The following MDN1 variants were observed in gnomAD, a reference collection of about 807,000 sequenced individuals.
MDN1 encodes midasin.
MDN1 carries 266 observed loss-of-function variants against 669.2 expected under a neutral mutation model. The ratio of observed to expected loss-of-function variants is 0.40; its 90% CI spans 0.36 to 0.44. The LOEUF (loss-of-function observed/expected upper bound fraction) is 0.44, where lower values mean the gene tolerates loss of function less well. MDN1 is among the 20% of genes least tolerant of loss of function. The pLI is 1.00. For missense variants in MDN1, 5,940 were observed against 6,754.0 expected, an observed-to-expected ratio of 0.88 and a Z score of 4.22; for synonymous variants, 2,385 against 2,457.1, an observed-to-expected ratio of 0.97 and a Z score of 0.87.
At chr6:89,803,204 A>C in intron 2 of MDN1, 124 bp downstream of exon 2, 1 of 807,684 alleles carries the variant, frequency 1.2e-6, no homozygotes, top group Non-Finnish European at 2.1e-6. Context: ...ATAAAACAAT[A>C]CTATTTATCT....
At position 89,732,743 on chromosome 6, in the gene MDN1, T is replaced by A. The variant is rs111960767; in HGVS notation, c.4756A>T (p.Ile1586Phe). The A allele has an allele frequency of 6.2e-7, 1 of 1,614,024 alleles. No homozygotes were observed. Residue 1586 changes from isoleucine (I) to phenylalanine (F), a missense_variant, in exon 34 of 102, where the codon ATT becomes TTT. Physicochemically the swap from Ile to Phe is conservative, Grantham distance 21. Coordinates refer to ENST00000369393, the MANE Select transcript of MDN1 (RefSeq NM_014611.3). ...AACTCTTGGTGGGTCAGCCAGTCAA[T>A]GAAATCCAGCATCACTTCAGGTATG... ...SDIPEVMLDF[I>F]DWLTHQEFGR...
chr6:89,713,192 A>G lies in MDN1; in HGVS notation c.7174T>C (p.Trp2392Arg). The G allele has an allele frequency of 6.2e-7, 1 of 1,614,174 alleles. No individual in the cohort carries two copies. Among genetic ancestry groups the G allele is most frequent in the Non-Finnish European group, 8.5e-7 (1 of 1,180,016 alleles). The stretch of plus-strand genomic sequence containing the variant: ...TGCTGGGAACAGACATATACTTCCC[A>G]GCATGCTTCAGAAAAGGCTCTGTCT... The part of the protein sequence containing the change: ...SLDRAFSEAC[W>R]EVYVCSQHSP... Residue 2392 changes from tryptophan to arginine, a missense_variant, in exon 47 of 102, where the codon TGG (tryptophan) becomes CGG (arginine). Coordinates refer to ENST00000369393, the MANE Select transcript of MDN1 (RefSeq NM_014611.3).
intron 1 of MDN1, among the ~76,000 whole-genome samples, chr6:89,818,054 A>G (rs1423224287): frequency 6.6e-6 from 1 of 152,148 alleles, no homozygotes; most frequent in Non-Finnish European, 1.5e-5. Flanking sequence ...GCTGTGGCTC[A>G]TGCCTGTAAT....
intron 17 of MDN1, among the ~76,000 whole-genome samples, chr6:89,761,070 G>T (rs1817518853): frequency 6.6e-6 from 1 of 152,162 alleles, no homozygotes; most frequent in Non-Finnish European, 1.5e-5. Flanking sequence ...GGAGGCTGAG[G>T]CAGGAGAATG....
At chr6:89,710,833 A>G (rs1166707524) in intron 49 of MDN1, 39 bp from the exon 50 acceptor site, 2 of 1,222,392 alleles carry the variant, frequency 1.6e-6, no homozygotes, top group South Asian at 1.4e-5. Context: ...ACTCTAAAGC[A>G]GTGCTATCCA....
intron 73 of MDN1, among the ~76,000 whole-genome samples, chr6:89,682,303 C>A (rs1811664758): frequency 6.6e-6 from 1 of 152,166 alleles, no homozygotes. Context: ...CAGGTAAAAG[C>A]ACAATTATTT....
chr6:89,743,410 G>T, intron 30 of MDN1, 130 bp from the exon 31 acceptor site: 2 of 1,373,516 alleles, frequency 1.5e-6, no homozygotes, highest in East Asian at 2.3e-5. Context: ...ACAGGAGATA[G>T]AACTTGCACA....
intron 50 of MDN1, among the ~76,000 whole-genome samples, chr6:89,710,458 C>A (rs1344883764): frequency 6.7e-6 from 1 of 149,496 alleles, no homozygotes; most frequent in Non-Finnish European, 1.5e-5. Context: ...TGTTTGAGGC[C>A]AGAATATCAA....
chr6:89,745,277 T>G lies in MDN1; in HGVS notation c.4174A>C (p.Thr1392Pro). 2 of 1,613,854 alleles carry G rather than the reference T, an allele frequency of 1.2e-6. No individual in the cohort carries two copies. Among genetic ancestry groups the G allele is most frequent in the Non-Finnish European group, 1.7e-6 (2 of 1,179,828 alleles). The change falls in exon 29 of 102, where the codon ACT becomes CCT. Residue 1392 changes from threonine to proline, a missense_variant. Coordinates refer to ENST00000369393, the MANE Select transcript of MDN1 (RefSeq NM_014611.3). ...FGEPVLLVGD[T>P]GCGKTTICQV... ...GTCACTGTCACAGATCTTTACCCAG[T>G]GTCTCCAACCAGCAGCACAGGTTCA... is the stretch of plus-strand genomic sequence containing the variant.
At chr6:89,753,379 T>C in intron 22 of MDN1, 133 bp downstream of exon 22, 1 of 639,986 alleles carries the variant, frequency 1.6e-6, no homozygotes, top group Admixed American at 2.8e-5. Flanking sequence ...TATGTTTCTG[T>C]AATGTTTAAA....
chr6:89,720,126 T>C (rs1246204641), intron 40 of MDN1, among the ~76,000 whole-genome samples: 1 of 152,060 alleles, frequency 6.6e-6, no homozygotes, highest in African/African-American at 2.4e-5. Flanking sequence ...ATAATATAGA[T>C]AAAATCATAA....
intron 2 of MDN1, among the ~76,000 whole-genome samples, chr6:89,795,338 C>G (rs998384050): frequency 6.6e-6 from 1 of 151,918 alleles, no homozygotes; most frequent in Non-Finnish European, 1.5e-5. Flanking sequence ...CATACACACA[C>G]GAGTCAACTG....
chr6:89,681,142 A>C (rs752138063), intron 73 of MDN1, among the ~76,000 whole-genome samples: 4 of 151,980 alleles, frequency 2.6e-5, no homozygotes, highest in Non-Finnish European at 5.9e-5. Flanking sequence ...AGTTACCCCT[A>C]ATTAACAGTT....
Position 89,712,792 on chromosome 6 carries a change from A to G in MDN1, c.7219-6T>C. ...TCCAGTAAAGCCTGTACAAGCTGGT[A>G]GGAGACAAAAACACAATACAGTGGT... On this transcript the variant is annotated splice_polypyrimidine_tract_variant and splice_region_variant and intron_variant, in intron 47 of 101. Coordinates refer to ENST00000369393, the MANE Select transcript of MDN1 (RefSeq NM_014611.3). 6.2e-7 allele frequency: 1 copy of G among 1,613,320 alleles called. No homozygotes were observed. The highest frequency in any genetic ancestry group is 1.3e-5 in the African/African-American group (1 of 75,042).
chr6:89,810,735 C>T (rs1309592018), intron 1 of MDN1, among the ~76,000 whole-genome samples: 1 of 152,072 alleles, frequency 6.6e-6, no homozygotes, highest in Non-Finnish European at 1.5e-5. Flanking sequence ...TGGTGGCTCA[C>T]GGCTGTAATT....
chr6:89,758,220 C>T (rs1250080108), intron 19 of MDN1, 35 bp downstream of exon 19: 2 of 1,542,744 alleles, frequency 1.3e-6, no homozygotes, highest in Non-Finnish European at 1.8e-6. Context: ...GAACCTGTTG[C>T]AAAAAAGGAA....
Position 89,650,195 on chromosome 6 carries a change from T to A in MDN1, c.16035A>T (p.Gly5345=), listed in dbSNP as rs1183717606. The change falls in exon 97 of 102, where the codon GGA becomes GGT. Residue 5345 remains glycine (G), a synonymous_variant. Transcript: ENST00000369393. ...LEPTQAAKLK[G]DYRTGKRLNI... ...TTAGTCGTTTCCCAGTTCGATAGTC[T>A]CCTCTATTTATTCAAATGGGGGCAA... 2 of 1,609,404 alleles carry A rather than the reference T, an allele frequency of 1.2e-6. No individual in the cohort carries two copies. The highest frequency in any genetic ancestry group is 1.7e-6 in the Non-Finnish European group (2 of 1,177,904).
chr6:89,774,358 T>C (rs1818249814), intron 13 of MDN1, among the ~76,000 whole-genome samples: 1 of 152,218 alleles, frequency 6.6e-6, no homozygotes, highest in Non-Finnish European at 1.5e-5. Context: ...GAGGCATACT[T>C]CACTAAATAC....
In MDN1 at chr6:89,719,009, G is replaced by A. The variant is rs764829784; in HGVS notation, c.6079C>T (p.Arg2027Cys). The A allele has an allele frequency of 8.1e-6, 13 of 1,614,066 alleles. No homozygotes were observed. The highest frequency in any genetic ancestry group is 5.3e-5 in the African/African-American group (4 of 74,924). ...GACGGGTGAGGAACACAGCTCCCAC[G>A]GGAAAGGACTGAGTAGCCCAACTGA... is the stretch of plus-strand genomic sequence containing the variant. ...DVQLGYSVLSRGSCVPHPSRH... is the reference protein window; with the variant it reads ...DVQLGYSVLSCGSCVPHPSRH... Residue 2027 changes from arginine to cysteine, a missense_variant, in exon 42 of 102, where the codon CGT becomes TGT. Coordinates refer to ENST00000369393, the MANE Select transcript of MDN1 (RefSeq NM_014611.3).
Sources: allele counts gnomAD v4.1 joint callset (sites outside exome capture counted in the v4.1 genomes callset), GRCh38; gene constraint gnomAD v4.1.1; transcripts MANE v1.5; gene names NCBI Gene and HGNC (gene_info 2026-07-23, HGNC 2026-07-21).